Variants in DDHD1 observed in about 807,000 individuals in gnomAD.
DDHD1 encodes the protein DDHD domain containing 1, also known as phospholipase DDHD1.
Under a neutral mutation model 96.4 loss-of-function variants are expected in DDHD1, and 49 were observed. The ratio of observed to expected loss-of-function variants is 0.51; its 90% CI spans 0.40 to 0.64. The LOEUF (loss-of-function observed/expected upper bound fraction) is 0.64. Ranked by LOEUF, DDHD1 falls within the 30% of genes least tolerant of loss-of-function variation. The pLI is 0.00. For missense variants in DDHD1, 1,106 were observed against 1,161.2 expected (o/e 0.95, Z 0.69); for synonymous variants, 442 against 446.5 (o/e 0.99, Z 0.13).
rs1595075215 is a variant in DDHD1 at position 53,046,445 on chromosome 14, T to C, written c.*323A>G. The C allele has an allele frequency of 5.6e-6, 1 of 178,040 alleles. No individual in the cohort carries two copies. The highest frequency in any genetic ancestry group is 1.4e-4 in the East Asian group (1 of 6,946). The allele number at this position is 178,040 out of a possible 1,614,324, so 11.0% of individuals were successfully genotyped here. A position where few individuals can be genotyped will look rare whatever the true frequency, so the allele number is the denominator to read the frequency against. On this transcript the variant is annotated 3_prime_UTR_variant, in exon 13 of 13. Transcript: ENST00000673822. Reference sequence around the variant, plus strand: ...TTTGGTTAATACATTATGTTCCATATGCCTTTATATTTGGGAGGAATCAGA... The same window carrying C: ...TTTGGTTAATACATTATGTTCCATACGCCTTTATATTTGGGAGGAATCAGA...
intron 2 of DDHD1, among the ~76,000 whole-genome samples, chr14:53,097,438 A>G (rs8007706): frequency 0.88 from 132,997 of 151,970 alleles, 58,276 homozygotes; most frequent in East Asian, 0.98. Flanking sequence ...CAGAGAGGTA[A>G]AAAATGACAA....
intron 2 of DDHD1, among the ~76,000 whole-genome samples, chr14:53,095,851 A>G (rs891488095): frequency 1.3e-4 from 20 of 152,164 alleles, no homozygotes; most frequent in Admixed American, 3.3e-4. Context: ...TTTAGAGATG[A>G]GTGTTAAGCC....
Position 53,041,557 on chromosome 14 carries a change from G to C in DDHD1, c.*5211C>G, listed in dbSNP as rs1881654389. On this transcript the variant is annotated 3_prime_UTR_variant, in exon 13 of 13. Coordinates refer to ENST00000673822, the MANE Select transcript of DDHD1 (RefSeq NM_001160148.2). The stretch of plus-strand genomic sequence containing the variant: ...GATAAAAGGCCCACATAAACACTAT[G>C]GAAAGGAATGTTAAACATTAGTTAA... 1 of 152,180 alleles carries C rather than the reference G, an allele frequency of 6.6e-6. No homozygotes were observed. Among genetic ancestry groups the C allele is most frequent in the Non-Finnish European group, 1.5e-5 (1 of 68,044 alleles). The allele number at this position is 152,180 out of a possible 1,614,324, so 9.4% of individuals were successfully genotyped here.
chr14:53,050,207 T>C (rs1446461183), intron 12 of DDHD1, among the ~76,000 whole-genome samples: 2 of 152,050 alleles, frequency 1.3e-5, no homozygotes, highest in African/African-American at 4.8e-5. Flanking sequence ...TGAAAAGACA[T>C]TGCAGGGAGA....
Position 53,058,538 on chromosome 14 carries a change from T to C in DDHD1, c.1931A>G (p.His644Arg), listed in dbSNP as rs754424163. The change falls in exon 9 of 13, where the codon CAT becomes CGT. Residue 644 changes from histidine (H) to arginine (R), a missense_variant. His to Arg is a conservative substitution (Grantham distance 29). Transcript: ENST00000673822. ...GTTACAAATCTCTCTAGGCAAAATA[T>C]GGTCTTGACTTCCAGTATTTCCTGG... ...IRPGNTGSQD[H>R]ILPREICNRL... 2.5e-5 allele frequency: 40 copies of C among 1,613,684 alleles called. No individual in the cohort carries two copies. Among genetic ancestry groups the C allele is most frequent in the Non-Finnish European group, 3.1e-5 (36 of 1,179,910 alleles).
chr14:53,100,267 G>C, intron 2 of DDHD1, among the ~76,000 whole-genome samples: 1 of 151,968 alleles, frequency 6.6e-6, no homozygotes, highest in Non-Finnish European at 1.5e-5. Context: ...CTTGAGCCCA[G>C]GAGTTCAAGA....
intron 1 of DDHD1, among the ~76,000 whole-genome samples, chr14:53,123,412 T>TGCTG (rs1334242462): frequency 1.3e-5 from 2 of 152,050 alleles, no homozygotes; most frequent in Non-Finnish European, 2.9e-5. Context: ...CCACCCAAAG[T>TGCTG]GCTGGGATTA....
chr14:53,083,126 T>A (rs1037569888), intron 4 of DDHD1, among the ~76,000 whole-genome samples: 2 of 151,420 alleles, frequency 1.3e-5, no homozygotes, highest in South Asian at 4.2e-4. Context: ...TAAGTTTCGT[T>A]GATATTCTTG....
chr14:53,127,212 T>G (rs753949299), intron 1 of DDHD1, among the ~76,000 whole-genome samples: 1 of 152,184 alleles, frequency 6.6e-6, no homozygotes, highest in Non-Finnish European at 1.5e-5. Context: ...TTTACACAGG[T>G]TACAAAATAA....
intron 7 of DDHD1, among the ~76,000 whole-genome samples, chr14:53,062,468 AT>A (rs1430194285): frequency 6.6e-6 from 1 of 152,056 alleles, no homozygotes; most frequent in Non-Finnish European, 1.5e-5. Flanking sequence ...AAATAATAAA[AT>A]CTTATAATTA....
chr14:53,136,891 T>A (rs1890276150), intron 1 of DDHD1, among the ~76,000 whole-genome samples: 1 of 152,152 alleles, frequency 6.6e-6, no homozygotes, highest in Non-Finnish European at 1.5e-5. Flanking sequence ...ATATAAAGCA[T>A]ATGCCTAACA....
intron 1 of DDHD1, among the ~76,000 whole-genome samples, chr14:53,141,978 C>A (rs1331980623): frequency 2.0e-5 from 3 of 151,986 alleles, no homozygotes; most frequent in African/African-American, 7.3e-5. Flanking sequence ...AGCAAATATA[C>A]CAGCCTGGCT....
At chr14:53,093,708 C>T (rs1886634841) in intron 2 of DDHD1, 1 of 373,980 alleles carries the variant, frequency 2.7e-6, no homozygotes. Flanking sequence ...TAATTTTAAC[C>T]TCTAATATAC....
At chr14:53,071,736 T>TTTAGCTA (rs1884525519) in intron 6 of DDHD1, among the ~76,000 whole-genome samples, 1 of 152,124 alleles carries the variant, frequency 6.6e-6, no homozygotes. Context: ...AGTGGCCCCC[T>TTTAGCTA]GTTAGCTAGT....
At chr14:53,145,372 G>T (rs1482759237) in intron 1 of DDHD1, among the ~76,000 whole-genome samples, 2 of 151,764 alleles carry the variant, frequency 1.3e-5, no homozygotes, top group South Asian at 2.1e-4. Context: ...GCATGGTGAC[G>T]TGCACCTATG....
chr14:53,123,130 ATTAT>A (rs1242180141), intron 1 of DDHD1, among the ~76,000 whole-genome samples: 3 of 139,508 alleles, frequency 2.2e-5, no homozygotes, highest in Admixed American at 7.2e-5. Flanking sequence ...TATTATTATT[ATTAT>A]TATTATTATT....
At position 53,096,300 on chromosome 14, in the gene DDHD1, T is replaced by TA. The variant is rs956300552; in HGVS notation, c.1013-2857dup. 28 of 433,250 alleles carry TA rather than the reference T, an allele frequency of 6.5e-5. No individual in the cohort carries two copies. The Admixed American group carries it at 1.3e-3, about 20-fold the overall frequency. The allele number at this position is 433,250 out of a possible 1,614,324, so 26.8% of individuals were successfully genotyped here. A position where few individuals can be genotyped will look rare whatever the true frequency, so the allele number is the denominator to read the frequency against. ...TGCCTTTTTGTTCTAGTATTAACTT[T>TA]AAAAAATGAGTTGTATTTGAAAAAC... On this transcript the variant is annotated intron_variant, in intron 2 of 12. Coordinates refer to ENST00000673822, the MANE Select transcript of DDHD1 (RefSeq NM_001160148.2).
At chr14:53,085,406 C>T (rs373648355) in intron 4 of DDHD1, among the ~76,000 whole-genome samples, 4 of 152,290 alleles carry the variant, frequency 2.6e-5, no homozygotes, top group African/African-American at 9.6e-5. Context: ...CCGGGTGCCC[C>T]TCTGAGACGA....
chr14:53,094,034 G>A (rs1407641344), intron 2 of DDHD1, among the ~76,000 whole-genome samples: 13 of 152,178 alleles, frequency 8.5e-5, no homozygotes, highest in African/African-American at 2.9e-4. Context: ...AAAATTAGCC[G>A]GGTGTGGTGG....
Sources: allele counts gnomAD v4.1 joint callset (sites outside exome capture counted in the v4.1 genomes callset), GRCh38; gene constraint gnomAD v4.1.1; transcripts MANE v1.5; gene names NCBI Gene and HGNC (gene_info 2026-07-23, HGNC 2026-07-21).